LINGO2: variants seen among roughly 807,000 people sequenced by gnomAD.
LINGO2 encodes the protein leucine rich repeat and Ig domain containing 2, also known as leucine-rich repeat and immunoglobulin-like domain-containing nogo receptor-interacting protein 2.
A neutral mutation model predicts 30.6 loss-of-function variants in LINGO2; 14 were observed. The ratio of observed to expected loss-of-function variants is 0.46; its 90% CI spans 0.30 to 0.72. LINGO2 has a LOEUF of 0.72. LINGO2 is among the 30% of genes least tolerant of loss of function. LINGO2 has a pLI of 0.07. For synonymous variants in LINGO2, 317 were observed against 288.5 expected, an observed-to-expected ratio of 1.10 and a Z score of -1.00; for missense variants, 729 against 751.7, an observed-to-expected ratio of 0.97 and a Z score of 0.35.
At chr9:28,808,446 T>C in the LINGO2 span, among the ~76,000 whole-genome samples, 2 of 152,222 alleles carry the variant, frequency 1.3e-5, no homozygotes, top group Non-Finnish European at 2.9e-5. Context: ...CTGACCTTTC[T>C]GGTAAATTAT....
chr9:28,609,800 C>T (rs565197697), intron 1 of LINGO2, among the ~76,000 whole-genome samples: 19 of 152,068 alleles, frequency 1.2e-4, no homozygotes, highest in African/African-American at 4.3e-4. Context: ...TTTCTTATGG[C>T]GTACCTTAAA....
intron 1 of LINGO2, among the ~76,000 whole-genome samples, chr9:28,599,955 A>T (rs1018519200): frequency 6.6e-6 from 1 of 152,180 alleles, no homozygotes; most frequent in Non-Finnish European, 1.5e-5. Flanking sequence ...GGGTTGGAAC[A>T]AATGTATTTC....
At chr9:28,084,661 C>A (rs745791966) in intron 4 of LINGO2, among the ~76,000 whole-genome samples, 1 of 152,024 alleles carries the variant, frequency 6.6e-6, no homozygotes, top group Non-Finnish European at 1.5e-5. Context: ...GAATCCAAAC[C>A]CGCTGACTCC....
At chr9:28,451,957 T>C (rs1163862967) in intron 2 of LINGO2, among the ~76,000 whole-genome samples, 1 of 151,652 alleles carries the variant, frequency 6.6e-6, no homozygotes, top group East Asian at 1.9e-4. Flanking sequence ...TTCTTGACCA[T>C]TAAAATATAC....
intron 4 of LINGO2, among the ~76,000 whole-genome samples, chr9:28,108,042 C>G (rs1826650394): frequency 1.3e-5 from 2 of 152,088 alleles, no homozygotes; most frequent in Non-Finnish European, 2.9e-5. Context: ...CACTGATGCT[C>G]AGACACAAAT....
intron 4 of LINGO2, among the ~76,000 whole-genome samples, chr9:28,082,734 T>C (rs949871389): frequency 1.3e-5 from 2 of 152,164 alleles, no homozygotes; most frequent in African/African-American, 4.8e-5. Flanking sequence ...ATGTTCTCTC[T>C]CTCACTGTCC....
chr9:28,036,873 G>A (rs1214961540), intron 4 of LINGO2, among the ~76,000 whole-genome samples: 1 of 152,168 alleles, frequency 6.6e-6, no homozygotes, highest in Admixed American at 6.5e-5. Context: ...ATAATGACTA[G>A]CTCAGCCTCA....
the LINGO2 span, among the ~76,000 whole-genome samples, chr9:28,921,717 T>C: frequency 1.3e-5 from 2 of 152,164 alleles, no homozygotes; most frequent in African/African-American, 4.8e-5. Context: ...CATTCATCCT[T>C]CCACATCCAC....
At chr9:29,194,268 T>C in the LINGO2 span, among the ~76,000 whole-genome samples, 1 of 152,202 alleles carries the variant, frequency 6.6e-6, no homozygotes, top group Admixed American at 6.5e-5. Flanking sequence ...CCGGAGCCCA[T>C]GTTTATTGTC....
At chr9:28,463,097 G>A (rs558157101) in intron 2 of LINGO2, among the ~76,000 whole-genome samples, 5 of 151,500 alleles carry the variant, frequency 3.3e-5, no homozygotes, top group Non-Finnish European at 5.9e-5. Flanking sequence ...GATTAATAGC[G>A]CTTTTTTTTT....
intron 2 of LINGO2, among the ~76,000 whole-genome samples, chr9:28,394,961 G>T (rs887197374): frequency 1.3e-5 from 2 of 152,064 alleles, no homozygotes; most frequent in African/African-American, 4.8e-5. Context: ...CCATCTTTTT[G>T]CATTTAACTC....
At chr9:29,194,920 C>T in the LINGO2 span, among the ~76,000 whole-genome samples, 405 of 152,178 alleles carry the variant, frequency 2.7e-3, no homozygotes, top group Non-Finnish European at 4.3e-3. Context: ...TAGTTCTATA[C>T]ACCTTTATAT....
intron 4 of LINGO2, among the ~76,000 whole-genome samples, chr9:28,229,177 A>G (rs750018616): frequency 6.6e-6 from 1 of 151,868 alleles, no homozygotes; most frequent in Non-Finnish European, 1.5e-5. Context: ...ATGGGAAAAT[A>G]AAAACATGCA....
the LINGO2 span, among the ~76,000 whole-genome samples, chr9:29,030,098 G>A: frequency 6.6e-6 from 1 of 152,076 alleles, no homozygotes; most frequent in African/African-American, 2.4e-5. Context: ...TCTATAGAAT[G>A]ATAGTATAAA....
At chr9:28,996,427 T>TGAA in the LINGO2 span, among the ~76,000 whole-genome samples, 11 of 152,124 alleles carry the variant, frequency 7.2e-5, no homozygotes, top group African/African-American at 2.7e-4. Context: ...TACCATTTTC[T>TGAA]AGGTGGGAAT....
the LINGO2 span, chr9:27,942,476 ATAAGT>A: frequency 6.6e-6 from 1 of 152,196 alleles, no homozygotes; most frequent in East Asian, 1.9e-4. Context: ...TTACATGTTA[ATAAGT>A]TAATTTGTTT....
At chr9:29,082,133 C>A in the LINGO2 span, among the ~76,000 whole-genome samples, 1 of 152,070 alleles carries the variant, frequency 6.6e-6, no homozygotes, top group East Asian at 1.9e-4. Context: ...CAACCCTAAG[C>A]CAAAAGAACA....
At chr9:28,210,977 C>T (rs35738889) in intron 4 of LINGO2, among the ~76,000 whole-genome samples, 16,383 of 151,206 alleles carry the variant, frequency 0.11, 965 homozygotes, top group Middle Eastern at 0.15. Context: ...TCTATTCATT[C>T]GAAATGATGA....
chr9:28,859,955 C>T, the LINGO2 span, among the ~76,000 whole-genome samples: 2 of 151,856 alleles, frequency 1.3e-5, no homozygotes, highest in South Asian at 4.1e-4. Context: ...ATATTGAAGA[C>T]ATGACTAGGT....
Sources: gnomAD v4.1 joint callset for allele counts (sites outside exome capture counted in the v4.1 genomes callset) on GRCh38, gnomAD v4.1.1 for gene constraint, MANE v1.5 for transcripts, NCBI Gene and HGNC (gene_info 2026-07-23, HGNC 2026-07-21) for gene names.